The following MRFAP1L1 variants were observed in gnomAD, a reference collection of about 807,000 sequenced individuals.
MRFAP1L1 encodes Morf4 family associated protein 1 like 1, also known as MORF4 family-associated protein 1-like 1.
A neutral mutation model predicts 10.6 loss-of-function variants in MRFAP1L1; 9 were observed. The ratio of observed to expected loss-of-function variants is 0.85; its 90% CI spans 0.51 to 1.48. The LOEUF is 1.48. Among genes scored for constraint, MRFAP1L1 ranks in the 40% most tolerant of loss-of-function variants. The pLI is 0.00. For synonymous variants in MRFAP1L1, 78 were observed against 70.4 expected (o/e 1.11, Z -0.54); for missense variants, 177 against 171.4 (o/e 1.03, Z -0.18).
chr4:6,709,494 G>C lies in MRFAP1L1; in HGVS notation c.136C>G (p.His46Asp). The C allele has an allele frequency of 6.2e-7, 1 of 1,614,268 alleles. No homozygotes were observed. Among genetic ancestry groups the C allele is most frequent in the Non-Finnish European group, 8.5e-7 (1 of 1,180,044 alleles). Residue 46 changes from histidine to aspartate, a missense_variant, in exon 1 of 2, where the codon CAC (histidine) becomes GAC (aspartate). Coordinates refer to ENST00000320848, the MANE Select transcript of MRFAP1L1 (RefSeq NM_203462.3). The stretch of plus-strand genomic sequence containing the variant: ...CTGGTCCGCAGGTACGCCCGCCCGT[G>C]CTCGCGTATAAGAGACGCGATGTCC... ...REDIASLIRE[H>D]GRAYLRTRSK...
Position 6,709,753 on chromosome 4 carries a change from C to A in MRFAP1L1, c.-124G>T. On this transcript the variant is annotated 5_prime_UTR_variant, in exon 1 of 2. Coordinates refer to ENST00000320848, the MANE Select transcript of MRFAP1L1 (RefSeq NM_203462.3). Reference sequence around the variant, plus strand: ...CCCACACGCTTTGTCAATTGTACTCCCGAATTATCTTTATTTTTTTTTCTT... The same window carrying A: ...CCCACACGCTTTGTCAATTGTACTCACGAATTATCTTTATTTTTTTTTCTT... 8.1e-7 allele frequency: 1 copy of A among 1,229,930 alleles called. No individual in the cohort carries two copies. The highest frequency in any genetic ancestry group is 1.1e-6 in the Non-Finnish European group (1 of 891,742). The allele number at this position is 1,229,930 out of a possible 1,614,324, so 76.2% of individuals were successfully genotyped here.
At position 6,709,305 on chromosome 4, in the gene MRFAP1L1, T is replaced by C. The variant is rs1163284184; in HGVS notation, c.325A>G (p.Lys109Glu). 5.0e-6 allele frequency: 8 copies of C among 1,614,248 alleles called. No homozygotes were observed. The highest frequency in any genetic ancestry group is 6.8e-6 in the Non-Finnish European group (8 of 1,180,038). Reference sequence around the variant, plus strand: ...AGCTCGACCAGCATCTCTGCCATCTTCGCAATCTCCTTGGCTTTCTCCTCA... The same window carrying C: ...AGCTCGACCAGCATCTCTGCCATCTCCGCAATCTCCTTGGCTTTCTCCTCA... The part of the protein sequence containing the change: ...KAEEKAKEIA[K>E]MAEMLVELVW... The change falls in exon 1 of 2, where the codon AAG becomes GAG. Residue 109 changes from lysine (K) to glutamate (E), a missense_variant. Physicochemically the swap from Lys to Glu is moderately conservative, Grantham distance 56. Transcript: ENST00000320848.
chr4:6,708,838 C>T (rs188549699), intron 1 of MRFAP1L1, 195 bp from the exon 2 acceptor site: 60 of 40,876 alleles, frequency 1.5e-3, no homozygotes, highest in African/African-American at 4.9e-3. Context: ...TTTCTCCTTC[C>T]CTGCGTTCTC....
chr4:6,709,826 C>G lies in MRFAP1L1; in HGVS notation c.-197G>C. ...CTTCACAACTCTGCGGGAAGAATCG[C>G]CGTGGATGCACACAAATAAGCGGCC... On this transcript the variant is annotated 5_prime_UTR_variant, in exon 1 of 2. Transcript: ENST00000320848. 1.3e-6 allele frequency: 1 copy of G among 751,118 alleles called. No individual in the cohort carries two copies. Among genetic ancestry groups the G allele is most frequent in the Non-Finnish European group, 2.1e-6 (1 of 471,298 alleles). The allele number at this position is 751,118 out of a possible 1,614,324, so 46.5% of individuals were successfully genotyped here.
rs991924220 is a variant in MRFAP1L1 at position 6,708,169 on chromosome 4, T to C, written c.*490A>G. The C allele has an allele frequency of 6.5e-6, 1 of 152,676 alleles. No individual in the cohort carries two copies. The highest frequency in any genetic ancestry group is 1.9e-4 in the East Asian group (1 of 5,198). 9.5% of individuals were successfully genotyped at this position (152,676 alleles called of 1,614,324 possible). On this transcript the variant is annotated 3_prime_UTR_variant, in exon 2 of 2. Transcript: ENST00000320848. The stretch of plus-strand genomic sequence containing the variant: ...CAAAACCATCTTCCATCTCCAACTG[T>C]CTTCTCTTTCTTCCCAGTTTTATGC...
In MRFAP1L1 at chr4:6,709,239, T is replaced by C; in HGVS notation, c.*7A>G. The stretch of plus-strand genomic sequence containing the variant: ...CTAGTTTCCGACCTTACCACCGATC[T>C]CCTCCTTCAAGAAGACTCGCTTCTC... On this transcript the variant is annotated 3_prime_UTR_variant, in exon 1 of 2. Coordinates refer to ENST00000320848, the MANE Select transcript of MRFAP1L1 (RefSeq NM_203462.3). The C allele has an allele frequency of 1.9e-6, 3 of 1,611,570 alleles. No homozygotes were observed. The highest frequency in any genetic ancestry group is 2.5e-6 in the Non-Finnish European group (3 of 1,177,712).
chr4:6,709,525 C>T lies in MRFAP1L1; in HGVS notation c.105G>A (p.Met35Ile), dbSNP rs1236065764. 1 of 1,614,168 alleles carries T rather than the reference C, an allele frequency of 6.2e-7. No homozygotes were observed. The highest frequency in any genetic ancestry group is 2.2e-5 in the East Asian group (1 of 44,906). ...EQFLLPVINE[M>I]REDIASLIRE... ...GTATAAGAGACGCGATGTCCTCGCG[C>T]ATCTCGTTGATGACCGGGAGCAGGA... Residue 35 changes from methionine to isoleucine, a missense_variant, in exon 1 of 2, where the codon ATG (methionine) becomes ATA (isoleucine). Coordinates refer to ENST00000320848, the MANE Select transcript of MRFAP1L1 (RefSeq NM_203462.3).
At position 6,707,706 on chromosome 4, in the gene MRFAP1L1, TTA is replaced by T. The variant is rs1714634084; in HGVS notation, c.*951_*952del. 1 of 152,216 alleles carries T rather than the reference TTA, an allele frequency of 6.6e-6. No individual in the cohort carries two copies. Among genetic ancestry groups the T allele is most frequent in the African/African-American group, 2.4e-5 (1 of 41,448 alleles). The allele number at this position is 152,216 out of a possible 1,614,324, so 9.4% of individuals were successfully genotyped here. A position where few individuals can be genotyped will look rare whatever the true frequency, so the allele number is the denominator to read the frequency against. On this transcript the variant is annotated 3_prime_UTR_variant, in exon 2 of 2. Coordinates refer to ENST00000320848, the MANE Select transcript of MRFAP1L1 (RefSeq NM_203462.3). ...GAACATCCATTCCAAAAAAATTTGT[TTA>T]TGATTCTTTTATTAACACACACAGG... is the stretch of plus-strand genomic sequence containing the variant.
chr4:6,709,446 T>C lies in MRFAP1L1; in HGVS notation c.184A>G (p.Asn62Asp). The C allele has an allele frequency of 6.2e-7, 1 of 1,614,268 alleles. No homozygotes were observed. The change falls in exon 1 of 2, where the codon AAT becomes GAT. Residue 62 changes from asparagine to aspartate, a missense_variant. Coordinates refer to ENST00000320848, the MANE Select transcript of MRFAP1L1 (RefSeq NM_203462.3). ...TGCGTTTTGATCTGGATAAGCATATTGTCCATCTCCCACAGCTTGCTCCTG... is the reference window on the plus strand; with the variant it reads ...TGCGTTTTGATCTGGATAAGCATATCGTCCATCTCCCACAGCTTGCTCCTG... ...RTRSKLWEMD[N>D]MLIQIKTQVE... is the part of the protein sequence containing the mutation.
intron 1 of MRFAP1L1, chr4:6,708,860 C>T: frequency 1.9e-5 from 4 of 206,574 alleles, no homozygotes; most frequent in Non-Finnish European, 4.0e-5. Context: ...GCCTGCGTTC[C>T]ACTGTGCTCT....
chr4:6,709,467 T>C lies in MRFAP1L1; in HGVS notation c.163A>G (p.Ser55Gly), dbSNP rs371373321. The change falls in exon 1 of 2, where the codon AGC becomes GGC. Residue 55 changes from serine (S) to glycine (G), a missense_variant. Ser to Gly is a moderately conservative substitution (Grantham distance 56, BLOSUM62 0). Transcript: ENST00000320848. The part of the protein sequence containing the change: ...EHGRAYLRTR[S>G]KLWEMDNMLI... The stretch of plus-strand genomic sequence containing the variant: ...ATATTGTCCATCTCCCACAGCTTGC[T>C]CCTGGTCCGCAGGTACGCCCGCCCG... The C allele has an allele frequency of 9.3e-6, 15 of 1,614,154 alleles. No individual in the cohort carries two copies. In the African/African-American group the frequency reaches 2.0e-4, roughly 22 times the overall value.
chr4:6,709,192 C>T lies in MRFAP1L1; in HGVS notation c.*15+39G>A, dbSNP rs370399698. The T allele has an allele frequency of 1.1e-5, 17 of 1,592,494 alleles. No individual in the cohort carries two copies. The African/African-American group carries it at 2.0e-4, about 19-fold the overall frequency. On this transcript the variant is annotated intron_variant, in intron 1 of 1. Coordinates refer to ENST00000320848, the MANE Select transcript of MRFAP1L1 (RefSeq NM_203462.3). ...GGTTTAACCATGCTTAGGGCGACTA[C>T]TGAGTTTCATCCAAGCTCCAGCTAG...
chr4:6,709,551 A>G lies in MRFAP1L1; in HGVS notation c.79T>C (p.Phe27Leu). 1 of 1,614,224 alleles carries G rather than the reference A, an allele frequency of 6.2e-7. No individual in the cohort carries two copies. The highest frequency in any genetic ancestry group is 8.5e-7 in the Non-Finnish European group (1 of 1,180,028). ...VLEPEEDFEQ[F>L]LLPVINEMRE... ...ATCTCGTTGATGACCGGGAGCAGGA[A>G]CTGCTCGAAATCCTCCTCGGGCTCC... The change falls in exon 1 of 2, where the codon TTC becomes CTC. Residue 27 changes from phenylalanine to leucine, a missense_variant. Transcript: ENST00000320848.
chr4:6,709,837 C>T lies in MRFAP1L1; in HGVS notation c.-208G>A. ...TGCGGGAAGAATCGCCGTGGATGCA[C>T]ACAAATAAGCGGCCTACAAAATGGA... On this transcript the variant is annotated 5_prime_UTR_variant, in exon 1 of 2. The change creates a new upstream start codon in the 5' untranslated region. Coordinates refer to ENST00000320848, the MANE Select transcript of MRFAP1L1 (RefSeq NM_203462.3). The T allele has an allele frequency of 1.4e-6, 1 of 690,002 alleles. No individual in the cohort carries two copies. The highest frequency in any genetic ancestry group is 2.2e-5 in the South Asian group (1 of 45,014). The allele number at this position is 690,002 out of a possible 1,614,324, so 42.7% of individuals were successfully genotyped here. A position where few individuals can be genotyped will look rare whatever the true frequency, so the allele number is the denominator to read the frequency against.
chr4:6,709,163 G>C, intron 1 of MRFAP1L1, 68 bp downstream of exon 1: 1 of 1,519,072 alleles, frequency 6.6e-7, no homozygotes, highest in Non-Finnish European at 9.0e-7. Context: ...TTTTTACAGG[G>C]CGCGGTTTAA....
chr4:6,708,863 T>C, intron 1 of MRFAP1L1: 1 of 221,304 alleles, frequency 4.5e-6, no homozygotes, highest in South Asian at 6.6e-5. Context: ...TGCGTTCCAC[T>C]GTGCTCTATG....
intron 1 of MRFAP1L1, chr4:6,708,889 G>T: frequency 3.8e-6 from 1 of 263,806 alleles, no homozygotes; most frequent in Non-Finnish European, 7.5e-6. Context: ...GGTCTTCTTT[G>T]GCTTTCCCCA....
In MRFAP1L1 at chr4:6,709,363, G is replaced by T; in HGVS notation, c.267C>A (p.Ala89=). The change falls in exon 1 of 2, where the codon GCC becomes GCA. Residue 89 remains alanine, a synonymous_variant. Transcript: ENST00000320848. The stretch of plus-strand genomic sequence containing the variant: ...CGCACAACTCCGACACTCTCTCGTC[G>T]GCTTCGCCACTCGGGTGCTGCACGT... ...LNHVQHPSGE[A]DERVSELCEK... 6.2e-7 allele frequency: 1 copy of T among 1,614,210 alleles called. No individual in the cohort carries two copies. Among genetic ancestry groups the T allele is most frequent in the Non-Finnish European group, 8.5e-7 (1 of 1,180,036 alleles).
rs1393829457 is a variant in MRFAP1L1, at chr4:6,709,330, A to G, written c.300T>C (p.Ala100=). ...TCGCAATCTCCTTGGCTTTCTCCTC[A>G]GCCTTCTCGCACAACTCCGACACTC... ...DERVSELCEK[A]EEKAKEIAKM... The change falls in exon 1 of 2, where the codon GCT becomes GCC. Residue 100 remains alanine (A), a synonymous_variant. Transcript: ENST00000320848. 6.2e-7 allele frequency: 1 copy of G among 1,614,192 alleles called. No homozygotes were observed. The highest frequency in any genetic ancestry group is 1.1e-5 in the South Asian group (1 of 91,090).
Sources: gnomAD v4.1 joint callset for allele counts on GRCh38, gnomAD v4.1.1 for gene constraint, MANE v1.5 for transcripts, NCBI Gene and HGNC (gene_info 2026-07-23, HGNC 2026-07-21) for gene names.